The following MAST2 variants were observed in gnomAD, a reference collection of about 807,000 sequenced individuals.
MAST2 encodes microtubule associated serine/threonine kinase 2.
MAST2 carries 70 observed loss-of-function variants against 147.4 expected under a neutral mutation model. The ratio of observed to expected loss-of-function variants is 0.47; its 90% CI spans 0.39 to 0.58. The LOEUF (loss-of-function observed/expected upper bound fraction) is 0.58. Ranked by LOEUF, MAST2 falls within the 20% of genes least tolerant of loss-of-function variation. MAST2 has a pLI of 0.00. For synonymous variants in MAST2, 869 were observed against 896.8 expected, an observed-to-expected ratio of 0.97 and a Z score of 0.55; for missense variants, 2,080 against 2,302.3, an observed-to-expected ratio of 0.90 and a Z score of 1.98.
At chr1:46,015,746 A>G (rs1645909058) in intron 10 of MAST2, among the ~76,000 whole-genome samples, 1 of 152,232 alleles carries the variant, frequency 6.6e-6, no homozygotes, top group Non-Finnish European at 1.5e-5. Context: ...TACCAGAGGT[A>G]CAAGGAGGAA....
intron 4 of MAST2, among the ~76,000 whole-genome samples, chr1:45,887,220 G>T (rs1647134852): frequency 6.6e-6 from 1 of 152,188 alleles, no homozygotes; most frequent in Non-Finnish European, 1.5e-5. Context: ...CAGTTACCCT[G>T]AAAGTAAAGC....
intron 10 of MAST2, among the ~76,000 whole-genome samples, chr1:46,014,812 C>G (rs1645865235): frequency 1.3e-5 from 2 of 152,236 alleles, no homozygotes; most frequent in South Asian, 2.1e-4. Context: ...ACTCAGCTCT[C>G]CACCAAGCGG....
At chr1:45,844,573 C>T (rs1420813896) in intron 3 of MAST2, among the ~76,000 whole-genome samples, 3 of 152,002 alleles carry the variant, frequency 2.0e-5, no homozygotes, top group South Asian at 2.1e-4. Context: ...TGTGAGCCAC[C>T]GCGGCCAGCT....
chr1:46,012,316 A>G (rs1268110786), intron 10 of MAST2, among the ~76,000 whole-genome samples: 1 of 152,176 alleles, frequency 6.6e-6, no homozygotes, highest in Non-Finnish European at 1.5e-5. Context: ...ACCTTTAGGC[A>G]TTTTCCCAGA....
chr1:45,999,482 T>A (rs1479991654), intron 6 of MAST2, among the ~76,000 whole-genome samples: 1 of 152,066 alleles, frequency 6.6e-6, no homozygotes, highest in Non-Finnish European at 1.5e-5. Flanking sequence ...ATAGGTGGCA[T>A]TGAGTTATTT....
chr1:45,819,532 CAG>C (rs1644557173), intron 1 of MAST2, among the ~76,000 whole-genome samples: 1 of 152,048 alleles, frequency 6.6e-6, no homozygotes, highest in Admixed American at 6.5e-5. Flanking sequence ...AGTCAACACA[CAG>C]AGATCAGTAG....
In MAST2 at chr1:46,023,084, C is replaced by T. The variant is rs1288184928; in HGVS notation, c.1485+113C>T. The T allele has an allele frequency of 1.7e-5, 21 of 1,224,790 alleles. No homozygotes were observed. The highest frequency in any genetic ancestry group is 2.3e-5 in the Non-Finnish European group (19 of 833,266). 75.9% of individuals were successfully genotyped at this position (1,224,790 alleles called of 1,614,324 possible). A position where few individuals can be genotyped will look rare whatever the true frequency, so the allele number is the denominator to read the frequency against. The stretch of plus-strand genomic sequence containing the variant: ...GAAGGGATGGGGGAGTTGGTGACAG[C>T]AAACACTGAGAAGTCATTCTACTCC... On this transcript the variant is annotated intron_variant, in intron 13 of 28. Transcript: ENST00000361297. The surrounding 1 kb of genome is among the most constrained non-coding windows in gnomAD (Gnocchi z 4.9).
intron 1 of MAST2, among the ~76,000 whole-genome samples, chr1:45,817,070 G>A (rs574657671): frequency 2.6e-5 from 4 of 152,240 alleles, no homozygotes; most frequent in East Asian, 3.9e-4. Flanking sequence ...GGAATAAAAA[G>A]CATGCCTACA....
At chr1:45,910,542 G>A (rs1269154735) in intron 4 of MAST2, among the ~76,000 whole-genome samples, 4 of 152,192 alleles carry the variant, frequency 2.6e-5, no homozygotes, top group Non-Finnish European at 5.9e-5. Flanking sequence ...TACTAGTAAT[G>A]TGAATTCCTT....
At chr1:45,901,866 A>G (rs1342305464) in intron 4 of MAST2, among the ~76,000 whole-genome samples, 1 of 152,228 alleles carries the variant, frequency 6.6e-6, no homozygotes, top group Non-Finnish European at 1.5e-5. Flanking sequence ...TATTGGGTCT[A>G]GGAATCATTT....
chr1:46,008,470 C>T, intron 9 of MAST2, 99 bp downstream of exon 9: 1 of 753,730 alleles, frequency 1.3e-6, no homozygotes, highest in East Asian at 2.5e-5. Context: ...TGAAGTGCTA[C>T]CTCCAGAGAT....
chr1:45,993,133 A>G (rs1173511519), intron 5 of MAST2, among the ~76,000 whole-genome samples: 1 of 151,902 alleles, frequency 6.6e-6, no homozygotes, highest in East Asian at 1.9e-4. Context: ...TAGTAATAAT[A>G]TTATTATTAA....
chr1:45,982,807 G>T (rs561253012), intron 5 of MAST2, among the ~76,000 whole-genome samples: 40 of 152,304 alleles, frequency 2.6e-4, no homozygotes, highest in Admixed American at 2.6e-3. Flanking sequence ...TATGACTGGT[G>T]TTGGAAGTGC....
intron 4 of MAST2, among the ~76,000 whole-genome samples, chr1:45,899,037 A>AG (rs1236730283): frequency 6.6e-6 from 1 of 152,180 alleles, no homozygotes; most frequent in East Asian, 1.9e-4. Flanking sequence ...ACTCAAACAC[A>AG]GGGGCTTCTA....
At chr1:45,866,000 T>A (rs1406296683) in intron 3 of MAST2, among the ~76,000 whole-genome samples, 2 of 152,244 alleles carry the variant, frequency 1.3e-5, no homozygotes, top group African/African-American at 4.8e-5. Context: ...TTTTGTTTAT[T>A]TGACATTATT....
chr1:46,010,636 A>G (rs940517165), intron 9 of MAST2, 94 bp from the exon 10 acceptor site: 1 of 1,012,568 alleles, frequency 9.9e-7, no homozygotes, highest in African/African-American at 1.6e-5. Flanking sequence ...GATCAGAGGG[A>G]GCCCATTATT....
intron 4 of MAST2, among the ~76,000 whole-genome samples, chr1:45,908,543 G>A (rs10890366): frequency 3.5e-4 from 53 of 152,156 alleles, no homozygotes; most frequent in Non-Finnish European, 6.3e-4. Flanking sequence ...TTGACCAATA[G>A]ATTATTTAGA....
At chr1:45,963,726 C>G (rs1660769800) in intron 5 of MAST2, among the ~76,000 whole-genome samples, 3 of 152,204 alleles carry the variant, frequency 2.0e-5, no homozygotes, top group South Asian at 2.1e-4. Context: ...ATTTGACTTC[C>G]TCTTTTCCTA....
intron 4 of MAST2, among the ~76,000 whole-genome samples, chr1:45,941,257 A>G (rs551298902): frequency 6.6e-6 from 1 of 151,622 alleles, no homozygotes; most frequent in African/African-American, 2.4e-5. Context: ...TTGTTTTTTT[A>G]TTTGTTTGTT....
Sources: allele counts gnomAD v4.1 joint callset (sites outside exome capture counted in the v4.1 genomes callset), GRCh38; gene constraint gnomAD v4.1.1; non-coding constraint Gnocchi (gnomAD v3.1); transcripts MANE v1.5; gene names NCBI Gene and HGNC (gene_info 2026-07-23, HGNC 2026-07-21).